KCND2: variants seen among roughly 807,000 people sequenced by gnomAD.
KCND2 encodes potassium voltage-gated channel subfamily D member 2, also known as A-type voltage-gated potassium channel KCND2.
KCND2 carries 16 observed loss-of-function variants against 54.4 expected under a neutral mutation model. The ratio of observed to expected loss-of-function variants is 0.29; its 90% CI spans 0.20 to 0.45. The LOEUF (loss-of-function observed/expected upper bound fraction) is 0.45. KCND2 is among the 20% of genes least tolerant of loss of function. KCND2 has a pLI of 1.00. For synonymous variants in KCND2, 317 were observed against 310.7 expected (o/e 1.02, Z -0.21); for missense variants, 486 against 824.2 (o/e 0.59, Z 5.02).
At chr7:120,712,056 T>C (rs11984204) in intron 1 of KCND2, among the ~76,000 whole-genome samples, 37,815 of 151,228 alleles carry the variant, frequency 0.25, 5,218 homozygotes, top group East Asian at 0.43. Context: ...AGGAGCTGAC[T>C]TGATCGGTCC....
At chr7:120,413,983 A>G (rs534167963) in intron 1 of KCND2, among the ~76,000 whole-genome samples, 2 of 151,386 alleles carry the variant, frequency 1.3e-5, no homozygotes, top group South Asian at 4.2e-4. Flanking sequence ...ACAATAAGTT[A>G]ATCTATTAAA....
At chr7:120,297,153 T>C (rs181915016) in intron 1 of KCND2, among the ~76,000 whole-genome samples, 1 of 152,118 alleles carries the variant, frequency 6.6e-6, no homozygotes, top group East Asian at 1.9e-4. Context: ...ATTAAATGAT[T>C]TATTATTATT....
intron 1 of KCND2, among the ~76,000 whole-genome samples, chr7:120,608,136 C>A (rs1237681310): frequency 6.6e-6 from 1 of 151,628 alleles, no homozygotes; most frequent in East Asian, 1.9e-4. Flanking sequence ...CAAGTTCATA[C>A]TCTCATCAAG....
At chr7:120,351,771 ATTTTCTTTTC>A (rs1049566585) in intron 1 of KCND2, among the ~76,000 whole-genome samples, 1 of 150,380 alleles carries the variant, frequency 6.6e-6, no homozygotes, top group African/African-American at 2.4e-5. Context: ...ATTCTCTGCT[ATTTTCTTTTC>A]TTTTCTTTTT....
intron 1 of KCND2, among the ~76,000 whole-genome samples, chr7:120,731,704 G>C (rs898270082): frequency 6.6e-5 from 10 of 152,214 alleles, no homozygotes; most frequent in African/African-American, 1.4e-4. Context: ...CAGGTAAGAA[G>C]CTATATCTAT....
At chr7:120,512,439 G>A (rs2116333524) in intron 1 of KCND2, among the ~76,000 whole-genome samples, 1 of 151,594 alleles carries the variant, frequency 6.6e-6, no homozygotes, top group Admixed American at 6.6e-5. Context: ...AGTCATTGAA[G>A]CTATTGGACT....
chr7:120,548,239 C>G (rs1438170240), intron 1 of KCND2, among the ~76,000 whole-genome samples: 1 of 152,038 alleles, frequency 6.6e-6, no homozygotes, highest in Non-Finnish European at 1.5e-5. Context: ...AACAGCCATG[C>G]TCTCTCACTT....
chr7:120,285,694 A>G (rs1562996914), intron 1 of KCND2, among the ~76,000 whole-genome samples: 1 of 151,910 alleles, frequency 6.6e-6, no homozygotes, highest in Non-Finnish European at 1.5e-5. Context: ...ACTTAGAAGT[A>G]TACATGTTGA....
At chr7:120,443,924 A>G (rs7800592) in intron 1 of KCND2, among the ~76,000 whole-genome samples, 3,462 of 152,124 alleles carry the variant, frequency 0.023, 143 homozygotes, top group African/African-American at 0.079. Context: ...TCAACTTCTG[A>G]AACCCCAAGG....
At chr7:120,482,574 A>G (rs1802621435) in intron 1 of KCND2, among the ~76,000 whole-genome samples, 1 of 152,216 alleles carries the variant, frequency 6.6e-6, no homozygotes, top group Admixed American at 6.5e-5. Flanking sequence ...TAATTAATCC[A>G]TGAAAACATT....
At chr7:120,629,365 A>G (rs564518844) in intron 1 of KCND2, among the ~76,000 whole-genome samples, 1 of 152,334 alleles carries the variant, frequency 6.6e-6, no homozygotes, top group Non-Finnish European at 1.5e-5. Context: ...TGACGCCTGT[A>G]GTCCCAGCTA....
chr7:120,702,061 A>G (rs1406772138), intron 1 of KCND2, among the ~76,000 whole-genome samples: 2 of 152,228 alleles, frequency 1.3e-5, no homozygotes, highest in Non-Finnish European at 2.9e-5. Context: ...TGTACCTGAC[A>G]AATGTCTAAT....
At chr7:120,352,506 T>A (rs1250435172) in intron 1 of KCND2, among the ~76,000 whole-genome samples, 1 of 147,316 alleles carries the variant, frequency 6.8e-6, no homozygotes, top group Middle Eastern at 3.4e-3. Context: ...ACAACATTCA[T>A]GAAACATTGC....
At chr7:120,698,004 T>G (rs1792352100) in intron 1 of KCND2, among the ~76,000 whole-genome samples, 1 of 151,038 alleles carries the variant, frequency 6.6e-6, no homozygotes, top group Non-Finnish European at 1.5e-5. Context: ...GAAGCATATT[T>G]GGATATATAG....
intron 1 of KCND2, among the ~76,000 whole-genome samples, chr7:120,623,835 G>A (rs1449172779): frequency 6.6e-6 from 1 of 152,062 alleles, no homozygotes; most frequent in Non-Finnish European, 1.5e-5. Flanking sequence ...TGAAGTGGAG[G>A]GAAAGCAATT....
At chr7:120,345,062 G>A (rs913132294) in intron 1 of KCND2, among the ~76,000 whole-genome samples, 2 of 152,144 alleles carry the variant, frequency 1.3e-5, no homozygotes, top group African/African-American at 2.4e-5. Flanking sequence ...TGATCTTAAA[G>A]TATGAGTGTA....
chr7:120,626,059 T>A (rs924250126), intron 1 of KCND2, among the ~76,000 whole-genome samples: 1 of 152,104 alleles, frequency 6.6e-6, no homozygotes, highest in African/African-American at 2.4e-5. Flanking sequence ...TTATACTTAT[T>A]ACAGTTTTTG....
At chr7:120,451,979 A>G (rs1236625494) in intron 1 of KCND2, among the ~76,000 whole-genome samples, 1 of 152,250 alleles carries the variant, frequency 6.6e-6, no homozygotes, top group Non-Finnish European at 1.5e-5. Flanking sequence ...TAATTATTCA[A>G]ACTACAACAG....
At chr7:120,582,365 T>C (rs1244914003) in intron 1 of KCND2, among the ~76,000 whole-genome samples, 1 of 152,140 alleles carries the variant, frequency 6.6e-6, no homozygotes, top group Non-Finnish European at 1.5e-5. Context: ...TTTTGACCAT[T>C]ATATATACTC....
Sources: gnomAD v4.1 joint callset for allele counts (sites outside exome capture counted in the v4.1 genomes callset) on GRCh38, gnomAD v4.1.1 for gene constraint, MANE v1.5 for transcripts, NCBI Gene and HGNC (gene_info 2026-07-23, HGNC 2026-07-21) for gene names.